Variants in LHFPL3 observed in about 807,000 individuals in gnomAD.
LHFPL3 encodes LHFPL tetraspan subfamily member 3 protein.
A neutral mutation model predicts 19.3 loss-of-function variants in LHFPL3; 5 were observed. The ratio of observed to expected loss-of-function variants is 0.26; its 90% confidence interval spans 0.14 to 0.54. The LOEUF (loss-of-function observed/expected upper bound fraction) is 0.54. LHFPL3 is among the 20% of genes least tolerant of loss of function. The probability of loss-of-function intolerance (pLI) is 0.94; values close to 1 mark genes in which losing one functional copy is unlikely to be tolerated. For missense variants in LHFPL3, 249 were observed against 307.4 expected, an observed-to-expected ratio of 0.81 and a Z score of 1.42; for synonymous variants, 133 against 126.2, an observed-to-expected ratio of 1.05 and a Z score of -0.36.
In LHFPL3 at chr7:104,448,755, A is replaced by T. The variant is rs1792377806; in HGVS notation, c.445+119531A>T. On this transcript the variant is annotated intron_variant, in intron 1 of 2. Coordinates refer to ENST00000424859, the MANE Select transcript of LHFPL3 (RefSeq NM_199000.3). Reference sequence around the variant, plus strand: ...ACAGCACTCCATGAATTGCTTTGGTAGAAATGAAAATGAATTCTTTTGATT... The same window carrying T: ...ACAGCACTCCATGAATTGCTTTGGTTGAAATGAAAATGAATTCTTTTGATT... Among the ~76,000 whole-genome samples, 3 of 152,228 alleles carry T rather than the reference A, an allele frequency of 2.0e-5. No individual in the cohort carries two copies. The South Asian group carries it at 6.2e-4, about 32-fold the overall frequency.
chr7:104,367,947 A>C (rs1220105332), intron 1 of LHFPL3, among the ~76,000 whole-genome samples: 1 of 152,214 alleles, frequency 6.6e-6, no homozygotes, highest in African/African-American at 2.4e-5. Context: ...TTTGAACTTT[A>C]AGCCTTTAAA....
At chr7:104,368,177 C>G (rs1448510057) in intron 1 of LHFPL3, among the ~76,000 whole-genome samples, 1 of 152,170 alleles carries the variant, frequency 6.6e-6, no homozygotes, top group African/African-American at 2.4e-5. Context: ...AATTAGGAGC[C>G]CTTGCCAGGC....
intron 1 of LHFPL3, among the ~76,000 whole-genome samples, chr7:104,386,092 C>G (rs567435953): frequency 1.1e-4 from 17 of 152,312 alleles, no homozygotes; most frequent in Admixed American, 1.1e-3. Flanking sequence ...CCTCCTCCCC[C>G]AGCTCCGTGG....
chr7:104,460,232 T>A (rs1330152004), intron 1 of LHFPL3, among the ~76,000 whole-genome samples: 1 of 152,236 alleles, frequency 6.6e-6, no homozygotes, highest in Non-Finnish European at 1.5e-5. Context: ...TACCACATTT[T>A]CTTTATCCAT....
chr7:104,423,427 A>T (rs921031463), intron 1 of LHFPL3, among the ~76,000 whole-genome samples: 2 of 152,134 alleles, frequency 1.3e-5, no homozygotes, highest in Admixed American at 1.3e-4. Flanking sequence ...AACCTGGGCA[A>T]AAAAGTGGGA....
At chr7:104,509,679 G>A (rs1435823980) in intron 1 of LHFPL3, among the ~76,000 whole-genome samples, 2 of 151,958 alleles carry the variant, frequency 1.3e-5, no homozygotes, top group African/African-American at 4.8e-5. Flanking sequence ...CAAGAGCAAG[G>A]CAAGGATGTC....
intron 1 of LHFPL3, among the ~76,000 whole-genome samples, chr7:104,553,009 G>A (rs538161528): frequency 2.6e-5 from 4 of 152,264 alleles, no homozygotes; most frequent in Non-Finnish European, 5.9e-5. Flanking sequence ...AAGATTGCAT[G>A]TGCTAATATC....
rs532922037 is a variant in LHFPL3 at position 104,500,439 on chromosome 7, A to G, written c.445+171215A>G. 2.0e-5 allele frequency among the ~76,000 whole-genome samples: 3 copies of G among 152,340 alleles called. No homozygotes were observed. The East Asian group carries it at 5.8e-4, about 29-fold the overall frequency. On this transcript the variant is annotated intron_variant, in intron 1 of 2. Coordinates refer to ENST00000424859, the MANE Select transcript of LHFPL3 (RefSeq NM_199000.3). ...ACATTTCACCTTTATGAAGGAAACA[A>G]GATAATTAGTGAATTCAATGATAAA...
chr7:104,713,680 C>A (rs1793334020), intron 1 of LHFPL3, among the ~76,000 whole-genome samples: 1 of 152,122 alleles, frequency 6.6e-6, no homozygotes, highest in South Asian at 2.1e-4. Flanking sequence ...GCAGACTTTA[C>A]CAGTAATTTA....
intron 1 of LHFPL3, among the ~76,000 whole-genome samples, chr7:104,618,082 G>A (rs946751627): frequency 6.6e-6 from 1 of 152,140 alleles, no homozygotes; most frequent in South Asian, 2.1e-4. Context: ...AGACCAGAAA[G>A]TAACTGCCCC....
chr7:104,618,544 A>C (rs1032370389), intron 1 of LHFPL3, among the ~76,000 whole-genome samples: 3 of 152,104 alleles, frequency 2.0e-5, no homozygotes, highest in Admixed American at 6.6e-5. Context: ...TTAAGATTCT[A>C]CGTCTTCCAA....
At chr7:104,881,051 T>C (rs542082105) in intron 2 of LHFPL3, among the ~76,000 whole-genome samples, 1 of 151,332 alleles carries the variant, frequency 6.6e-6, no homozygotes, top group East Asian at 1.9e-4. Context: ...GCACCTGTAG[T>C]CCCAGCTACT....
chr7:104,812,508 T>G (rs2116503937), intron 2 of LHFPL3, among the ~76,000 whole-genome samples: 1 of 152,210 alleles, frequency 6.6e-6, no homozygotes, highest in South Asian at 2.1e-4. Context: ...AAAAATTTTT[T>G]TTTTAATTAG....
chr7:104,793,297 CAG>C (rs1321518124), intron 2 of LHFPL3, among the ~76,000 whole-genome samples: 1 of 152,130 alleles, frequency 6.6e-6, no homozygotes, highest in African/African-American at 2.4e-5. Flanking sequence ...AGGGGAAAAA[CAG>C]AGGAGAGGTG....
At chr7:104,536,219 A>G (rs1406504889) in intron 1 of LHFPL3, among the ~76,000 whole-genome samples, 1 of 152,236 alleles carries the variant, frequency 6.6e-6, no homozygotes, top group Non-Finnish European at 1.5e-5. Context: ...TAAGTTTAAA[A>G]ACATTTAATA....
At chr7:104,852,087 A>T (rs1275748686) in intron 2 of LHFPL3, among the ~76,000 whole-genome samples, 1 of 152,008 alleles carries the variant, frequency 6.6e-6, no homozygotes, top group Non-Finnish European at 1.5e-5. Flanking sequence ...CCTGGAAAGC[A>T]GATACCCCCC....
chr7:104,384,577 G>A (rs1048706571), intron 1 of LHFPL3, among the ~76,000 whole-genome samples: 14 of 151,608 alleles, frequency 9.2e-5, no homozygotes, highest in Admixed American at 5.3e-4. Context: ...ACCTGAGGTC[G>A]GGAGTTTGAG....
intron 1 of LHFPL3, among the ~76,000 whole-genome samples, chr7:104,692,866 G>A (rs550784204): frequency 1.4e-4 from 21 of 152,336 alleles, no homozygotes; most frequent in Non-Finnish European, 2.9e-4. Context: ...TAGTGGAGCT[G>A]TGAGAAGAGG....
intron 1 of LHFPL3, among the ~76,000 whole-genome samples, chr7:104,735,664 C>G (rs951448121): frequency 2.6e-5 from 4 of 152,248 alleles, no homozygotes; most frequent in Non-Finnish European, 4.4e-5. Flanking sequence ...CTTGCACTTC[C>G]CAGGTGAGGC....
Sources: allele counts gnomAD v4.1 joint callset (sites outside exome capture counted in the v4.1 genomes callset), GRCh38; gene constraint gnomAD v4.1.1; transcripts MANE v1.5; gene names NCBI Gene and HGNC (gene_info 2026-07-23, HGNC 2026-07-21).